The following OLAH variants were observed in gnomAD, a reference collection of about 807,000 sequenced individuals.
OLAH encodes the protein oleoyl-ACP hydrolase, also known as S-acyl fatty acid synthase thioesterase, medium chain.
In OLAH, 33 loss-of-function variants were observed where a neutral mutation model predicts 27.8. The observed-to-expected ratio is 1.19, with a 90% confidence interval of 0.90 to 1.59. The LOEUF (loss-of-function observed/expected upper bound fraction) is 1.59. Ranked by LOEUF, OLAH falls within the 40% of genes most tolerant of loss-of-function variation. OLAH has a pLI of 0.00. For synonymous variants in OLAH, 120 were observed against 102.9 expected (o/e 1.17, Z -1.01); for missense variants, 359 against 310.8 (o/e 1.16, Z -1.17).
upstream of OLAH, among the ~76,000 whole-genome samples, chr10:15,042,094 T>A (rs1015838619): frequency 6.6e-6 from 1 of 152,092 alleles, no homozygotes; most frequent in African/African-American, 2.4e-5. Context: ...GAGGAGAGTA[T>A]GCACAACTCC....
chr10:15,045,541 C>G (rs561496342), intron 1 of OLAH, among the ~76,000 whole-genome samples: 1 of 152,144 alleles, frequency 6.6e-6, no homozygotes, highest in Non-Finnish European at 1.5e-5. Flanking sequence ...CCCAGAATTA[C>G]TAAGAAAAGG....
At chr10:15,060,985 A>G (rs1844351255) in intron 3 of OLAH, among the ~76,000 whole-genome samples, 1 of 152,108 alleles carries the variant, frequency 6.6e-6, no homozygotes, top group South Asian at 2.1e-4. Flanking sequence ...TCATTAGGAG[A>G]TGACTTGTCA....
At chr10:15,055,121 C>T (rs957603778) in intron 3 of OLAH, among the ~76,000 whole-genome samples, 3 of 152,212 alleles carry the variant, frequency 2.0e-5, no homozygotes, top group East Asian at 1.9e-4. Context: ...CATGCCACCA[C>T]GCCCGGCTAA....
chr10:15,046,067 C>G (rs1259302447), intron 1 of OLAH, among the ~76,000 whole-genome samples: 3 of 150,686 alleles, frequency 2.0e-5, no homozygotes, highest in Non-Finnish European at 4.4e-5. Flanking sequence ...CAGATCTGGC[C>G]GGGTGTGGTG....
intron 3 of OLAH, among the ~76,000 whole-genome samples, chr10:15,059,912 A>G (rs992458545): frequency 6.6e-6 from 1 of 152,160 alleles, no homozygotes; most frequent in Non-Finnish European, 1.5e-5. Flanking sequence ...TGTTTTTAGC[A>G]ATTTGATGGA....
chr10:15,062,812 C>T lies in OLAH; in HGVS notation c.302+950C>T, dbSNP rs182218640. On this transcript the variant is annotated intron_variant, in intron 4 of 7. Transcript: ENST00000378228. ...GGAGTGCAGTGGCACGATCTCAGCT[C>T]ATTGCAACCTACACCTCATGGGTTC... Among the ~76,000 whole-genome samples, 150 of 151,478 alleles carry T rather than the reference C, an allele frequency of 9.9e-4. 1 individual carries two copies. In the East Asian group the frequency reaches 0.026, roughly 26 times the overall value.
intron 3 of OLAH, among the ~76,000 whole-genome samples, chr10:15,050,156 G>T (rs1011413936): frequency 6.6e-6 from 1 of 152,220 alleles, no homozygotes. Context: ...AGTGGCGCAC[G>T]CTTGTAATAC....
chr10:15,039,067 A>G (rs535987006), upstream of OLAH, among the ~76,000 whole-genome samples: 45 of 151,960 alleles, frequency 3.0e-4, no homozygotes, highest in Admixed American at 2.2e-3. Flanking sequence ...CCAAAAAGAA[A>G]TTTTTAGAAT....
intron 4 of OLAH, among the ~76,000 whole-genome samples, chr10:15,063,811 C>T (rs900768062): frequency 6.6e-6 from 1 of 152,040 alleles, no homozygotes; most frequent in African/African-American, 2.4e-5. Context: ...ACTATATTTT[C>T]CAAAAAAATG....
intron 1 of OLAH, among the ~76,000 whole-genome samples, chr10:15,033,202 C>T (rs1843786991): frequency 6.6e-6 from 1 of 152,006 alleles, no homozygotes; most frequent in Non-Finnish European, 1.5e-5. Flanking sequence ...ACTCATGTAG[C>T]AATTTTACTT....
chr10:15,073,063 G>C, intron 7 of OLAH, 24 bp from the exon 8 acceptor site: 1 of 1,607,410 alleles, frequency 6.2e-7, no homozygotes, highest in Non-Finnish European at 8.5e-7. Context: ...TGTTGTTATT[G>C]AATACAATCT....
In OLAH at chr10:15,073,307, T is replaced by C; in HGVS notation, c.*78T>C. On this transcript the variant is annotated 3_prime_UTR_variant, in exon 8 of 8. Coordinates refer to ENST00000378228, the MANE Select transcript of OLAH (RefSeq NM_001039702.3). ...GTTATTCAGATATAGCTCAGTTTTATTCAGATTGGAAATTACACATTTTCT... is the reference window on the plus strand; with the variant it reads ...GTTATTCAGATATAGCTCAGTTTTACTCAGATTGGAAATTACACATTTTCT... 1.1e-6 allele frequency: 1 copy of C among 949,548 alleles called. No individual in the cohort carries two copies. Among genetic ancestry groups the C allele is most frequent in the Non-Finnish European group, 1.6e-6 (1 of 636,902 alleles). 58.8% of individuals were successfully genotyped at this position (949,548 alleles called of 1,614,324 possible).
chr10:15,072,164 C>A (rs1844602355), intron 7 of OLAH, among the ~76,000 whole-genome samples: 2 of 152,126 alleles, frequency 1.3e-5, no homozygotes, highest in South Asian at 4.1e-4. Flanking sequence ...GAACTCCTGA[C>A]CTCATGATCT....
At chr10:15,059,020 C>CCTCT (rs1212740845) in intron 3 of OLAH, among the ~76,000 whole-genome samples, 1 of 124,738 alleles carries the variant, frequency 8.0e-6, no homozygotes, top group African/African-American at 3.0e-5. Context: ...TCTCTCCTTC[C>CCTCT]CTCCTTCCCT....
intron 6 of OLAH, 38 bp from the exon 7 acceptor site, chr10:15,071,757 T>C: frequency 6.5e-7 from 1 of 1,550,174 alleles, no homozygotes; most frequent in Non-Finnish European, 8.9e-7. Context: ...GGGATGTTGA[T>C]TTCAAACAAT....
chr10:15,050,063 T>C (rs1844103643), intron 3 of OLAH, among the ~76,000 whole-genome samples: 1 of 152,194 alleles, frequency 6.6e-6, no homozygotes, highest in Non-Finnish European at 1.5e-5. Context: ...TTCCAATTTG[T>C]CCCATGATGT....
chr10:15,064,714 G>C (rs1844433345), intron 5 of OLAH, among the ~76,000 whole-genome samples: 1 of 152,192 alleles, frequency 6.6e-6, no homozygotes, highest in South Asian at 2.1e-4. Flanking sequence ...CTAGAGTGCA[G>C]TGGCACGATC....
chr10:15,056,864 C>T, intron 3 of OLAH: 1 of 1,524,710 alleles, frequency 6.6e-7, no homozygotes, highest in Non-Finnish European at 8.8e-7. Flanking sequence ...GTCTCAAACT[C>T]CGGCGCTCAA....
At chr10:15,060,915 A>G (rs1392769326) in intron 3 of OLAH, among the ~76,000 whole-genome samples, 2 of 152,174 alleles carry the variant, frequency 1.3e-5, no homozygotes, top group Non-Finnish European at 2.9e-5. Context: ...AAGCAAGCCA[A>G]TAAGTTATTT....
Sources: allele counts gnomAD v4.1 joint callset (sites outside exome capture counted in the v4.1 genomes callset), GRCh38; gene constraint gnomAD v4.1.1; transcripts MANE v1.5; gene names NCBI Gene and HGNC (gene_info 2026-07-23, HGNC 2026-07-21).